Variants in ASCC1 observed in about 807,000 individuals in gnomAD.
ASCC1 encodes ASC-1 complex subunit P50.
Under a neutral mutation model 46.6 loss-of-function variants are expected in ASCC1, and 35 were observed. The ratio of observed to expected loss-of-function variants is 0.75; its 90% CI spans 0.57 to 0.99. ASCC1 has a LOEUF of 0.99. Among genes scored for constraint, ASCC1 ranks in the 50% least tolerant of loss-of-function variants. The pLI, the probability that ASCC1 is intolerant of heterozygous loss-of-function variation, is 0.00. For synonymous variants in ASCC1, 143 were observed against 146.6 expected (o/e 0.98, Z 0.18); for missense variants, 376 against 428.7 (o/e 0.88, Z 1.09).
At chr10:72,111,277 C>G (rs1339169456) in intron 9 of ASCC1, among the ~76,000 whole-genome samples, 1 of 152,110 alleles carries the variant, frequency 6.6e-6, no homozygotes, top group Non-Finnish European at 1.5e-5. Context: ...CATTTGAGCC[C>G]AGGAGTTCAA....
intron 7 of ASCC1, among the ~76,000 whole-genome samples, chr10:72,141,100 T>C (rs1489100631): frequency 6.6e-6 from 1 of 151,488 alleles, no homozygotes; most frequent in Admixed American, 6.6e-5. Flanking sequence ...GATATAGACA[T>C]AGAGATATAG....
chr10:72,189,523 T>G (rs564796192), intron 5 of ASCC1, among the ~76,000 whole-genome samples: 198 of 151,992 alleles, frequency 1.3e-3, no homozygotes, highest in African/African-American at 4.7e-3. Context: ...AAGATACTGT[T>G]CGGGTGGGGT....
chr10:72,208,244 C>T (rs1048477578), intron 3 of ASCC1, among the ~76,000 whole-genome samples: 3 of 151,782 alleles, frequency 2.0e-5, no homozygotes, highest in Non-Finnish European at 2.9e-5. Flanking sequence ...AAAAGATTAT[C>T]AAGTCAGAAT....
At chr10:72,112,057 T>C (rs12770528) in intron 9 of ASCC1, among the ~76,000 whole-genome samples, 1 of 152,234 alleles carries the variant, frequency 6.6e-6, no homozygotes, top group Non-Finnish European at 1.5e-5. Context: ...TTAGCCATTG[T>C]TGATACAAAG....
chr10:72,210,966 T>C lies in ASCC1; in HGVS notation c.113-135A>G, dbSNP rs1161050855. The C allele has an allele frequency of 2.1e-5, 16 of 748,132 alleles. No homozygotes were observed. In the South Asian group the frequency reaches 2.4e-4, roughly 11 times the overall value. The allele number at this position is 748,132 out of a possible 1,614,324, so 46.3% of individuals were successfully genotyped here. A position where few individuals can be genotyped will look rare whatever the true frequency, so the allele number is the denominator to read the frequency against. On this transcript the variant is annotated intron_variant, in intron 2 of 9. Coordinates refer to ENST00000672957, the MANE Select transcript of ASCC1 (RefSeq NM_001198800.3). ...ATAAAGAACAGCCGGACACTGTACA[T>C]TCCATGACACTGCTCTGATACTCCT...
intron 5 of ASCC1, among the ~76,000 whole-genome samples, chr10:72,193,483 A>T (rs1340805407): frequency 6.6e-6 from 1 of 151,530 alleles, no homozygotes; most frequent in Non-Finnish European, 1.5e-5. Flanking sequence ...CACACACCAC[A>T]CACACACATG....
intron 9 of ASCC1, among the ~76,000 whole-genome samples, chr10:72,126,144 G>A (rs1382506876): frequency 6.6e-6 from 1 of 152,140 alleles, no homozygotes; most frequent in Non-Finnish European, 1.5e-5. Flanking sequence ...CTTTACGGGA[G>A]GCAGCAGAAA....
chr10:72,119,070 C>A (rs913932772), intron 9 of ASCC1, among the ~76,000 whole-genome samples: 1 of 152,134 alleles, frequency 6.6e-6, no homozygotes, highest in Non-Finnish European at 1.5e-5. Context: ...GGAGAAGAAA[C>A]CCACAGGAGA....
intron 9 of ASCC1, among the ~76,000 whole-genome samples, chr10:72,114,701 T>C (rs1434685924): frequency 6.6e-6 from 1 of 152,180 alleles, no homozygotes; most frequent in Non-Finnish European, 1.5e-5. Flanking sequence ...GGATTGACTG[T>C]TGTTAACTAT....
At chr10:72,146,850 A>AT (rs1847689090) in intron 7 of ASCC1, among the ~76,000 whole-genome samples, 1 of 152,090 alleles carries the variant, frequency 6.6e-6, no homozygotes, top group Admixed American at 6.5e-5. Context: ...ATATGAAAGC[A>AT]TACCAAAAAA....
Position 72,107,648 on chromosome 10 carries a change from A to C in ASCC1, c.958-10198T>G, listed in dbSNP as rs527539325. Among the ~76,000 whole-genome samples, 9 of 152,374 alleles carry C rather than the reference A, an allele frequency of 5.9e-5. No homozygotes were observed. The East Asian group carries it at 1.7e-3, about 29-fold the overall frequency. ...TCTACACACAGACACACATACCTTC[A>C]CCTAGGTACAAAAAAATTGATATTT... On this transcript the variant is annotated intron_variant, in intron 9 of 9. Transcript: ENST00000672957.
chr10:72,138,434 T>G (rs929439545), intron 7 of ASCC1, among the ~76,000 whole-genome samples: 3 of 152,078 alleles, frequency 2.0e-5, no homozygotes, highest in Non-Finnish European at 4.4e-5. Context: ...ATTTACAGAC[T>G]CAAAACTTTG....
intron 3 of ASCC1, among the ~76,000 whole-genome samples, chr10:72,203,870 C>A (rs1190944839): frequency 6.6e-6 from 1 of 152,132 alleles, no homozygotes; most frequent in Admixed American, 6.6e-5. Context: ...GTAATCCCTG[C>A]TACTCAAAAG....
At chr10:72,150,619 T>G (rs1848211918) in intron 7 of ASCC1, among the ~76,000 whole-genome samples, 1 of 152,206 alleles carries the variant, frequency 6.6e-6, no homozygotes, top group African/African-American at 2.4e-5. Context: ...GGGAGGGATG[T>G]AGGTGTAGTA....
intron 2 of ASCC1, 51 bp downstream of exon 2, chr10:72,213,136 A>G (rs1277702703): frequency 1.5e-5 from 19 of 1,292,698 alleles, no homozygotes; most frequent in Middle Eastern, 3.7e-4. Flanking sequence ...TTGATCCTAC[A>G]ATACACAGGA....
At chr10:72,207,376 T>G (rs142076476) in intron 3 of ASCC1, among the ~76,000 whole-genome samples, 4 of 152,338 alleles carry the variant, frequency 2.6e-5, no homozygotes, top group Admixed American at 6.5e-5. Flanking sequence ...ATCGTGCCAC[T>G]GCACTCCAGC....
chr10:72,132,822 T>A (rs959999296), intron 8 of ASCC1, among the ~76,000 whole-genome samples: 1 of 152,090 alleles, frequency 6.6e-6, no homozygotes, highest in African/African-American at 2.4e-5. Flanking sequence ...GAGCATCCTG[T>A]ATTTGTATTT....
At chr10:72,172,377 T>C (rs1723269953) in intron 5 of ASCC1, among the ~76,000 whole-genome samples, 1 of 131,416 alleles carries the variant, frequency 7.6e-6, no homozygotes, top group South Asian at 2.3e-4. Flanking sequence ...ATTGCACCAC[T>C]GCACTGCTGT....
chr10:72,098,971 A>C (rs997049524), intron 9 of ASCC1, among the ~76,000 whole-genome samples: 2 of 152,260 alleles, frequency 1.3e-5, no homozygotes, highest in African/African-American at 4.8e-5. Flanking sequence ...AAGACACGTC[A>C]CTAAGACTGA....
Sources: allele counts gnomAD v4.1 joint callset (sites outside exome capture counted in the v4.1 genomes callset), GRCh38; gene constraint gnomAD v4.1.1; transcripts MANE v1.5; gene names NCBI Gene and HGNC (gene_info 2026-07-23, HGNC 2026-07-21).